The following TXNDC11 variants were observed in gnomAD, a reference collection of about 807,000 sequenced individuals.
The protein encoded by TXNDC11 is thioredoxin domain containing 11.
A neutral mutation model predicts 78.0 loss-of-function variants in TXNDC11; 68 were observed. The ratio of observed to expected loss-of-function variants is 0.87; its 90% CI spans 0.72 to 1.07. TXNDC11 has a LOEUF of 1.07. Ranked by LOEUF, TXNDC11 falls within the 50% of genes least tolerant of loss-of-function variation. The probability of loss-of-function intolerance (pLI) is 0.00; values close to 1 mark genes in which losing one functional copy is unlikely to be tolerated. For synonymous variants in TXNDC11, 571 were observed against 495.2 expected, an observed-to-expected ratio of 1.15 and a Z score of -2.03; for missense variants, 1,389 against 1,221.8, an observed-to-expected ratio of 1.14 and a Z score of -2.04.
Position 11,713,346 on chromosome 16 carries a change from A to G in TXNDC11, c.793+8231T>C, listed in dbSNP as rs578053731. ...AGCATCTCTCACAAAATATACAAGGATTCCTTTGCTAAAATAATGTCAACT... is the reference window on the plus strand; with the variant it reads ...AGCATCTCTCACAAAATATACAAGGGTTCCTTTGCTAAAATAATGTCAACT... On this transcript the variant is annotated intron_variant, in intron 5 of 11. Coordinates refer to ENST00000283033, the MANE Select transcript of TXNDC11 (RefSeq NM_015914.7). Among the ~76,000 whole-genome samples the G allele has an allele frequency of 9.9e-5, 15 of 152,136 alleles. No individual in the cohort carries two copies. The East Asian group carries it at 2.9e-3, about 29-fold the overall frequency.
chr16:11,685,384 G>A (rs1012909704), intron 10 of TXNDC11, among the ~76,000 whole-genome samples: 12 of 151,790 alleles, frequency 7.9e-5, no homozygotes, highest in Admixed American at 3.3e-4. Context: ...GGTGGCTCAC[G>A]TCTGTAATCC....
Position 11,739,048 on chromosome 16 carries a change from T to C in TXNDC11, c.255-2815A>G, listed in dbSNP as rs533058467. Among the ~76,000 whole-genome samples the C allele has an allele frequency of 1.1e-4, 17 of 151,618 alleles. 1 individual carries two copies. Among genetic ancestry groups the C allele is most frequent in the Middle Eastern group, 3.4e-3 (1 of 294 alleles). ...ATCTCAAAAGAAAAAAAAAATGCAA[T>C]GTAAGCATCAAATAATGCAATCTGA... On this transcript the variant is annotated intron_variant, in intron 1 of 11. Coordinates refer to ENST00000283033, the MANE Select transcript of TXNDC11 (RefSeq NM_015914.7).
chr16:11,683,705 C>T (rs1482387655), intron 11 of TXNDC11, among the ~76,000 whole-genome samples: 3 of 151,410 alleles, frequency 2.0e-5, no homozygotes, highest in Non-Finnish European at 4.4e-5. Flanking sequence ...CCATACCACA[C>T]ATAACATCCT....
intron 5 of TXNDC11, among the ~76,000 whole-genome samples, chr16:11,704,160 C>G (rs1337507997): frequency 6.6e-6 from 1 of 152,106 alleles, no homozygotes; most frequent in Non-Finnish European, 1.5e-5. Context: ...ACCCAGGAGC[C>G]AAGCTGAAGC....
chr16:11,698,675 A>T (rs569468016), intron 6 of TXNDC11, among the ~76,000 whole-genome samples: 2 of 152,370 alleles, frequency 1.3e-5, no homozygotes, highest in East Asian at 3.9e-4. Flanking sequence ...GGGTATTCAT[A>T]AAAGGACCAA....
At chr16:11,700,406 G>T in intron 6 of TXNDC11, 46 bp downstream of exon 6, 1 of 941,668 alleles carries the variant, frequency 1.1e-6, no homozygotes. Context: ...CCTAAACAAG[G>T]TTAAGAACCA....
At chr16:11,684,278 A>G in intron 10 of TXNDC11, 33 bp from the exon 11 acceptor site, 1 of 1,548,084 alleles carries the variant, frequency 6.5e-7, no homozygotes, top group South Asian at 1.1e-5. Context: ...ATGGCAGATG[A>G]TCAGCCCAAG....
intron 5 of TXNDC11, among the ~76,000 whole-genome samples, chr16:11,701,948 G>C (rs2051038245): frequency 6.6e-6 from 1 of 151,382 alleles, no homozygotes; most frequent in Non-Finnish European, 1.5e-5. Flanking sequence ...GAAACATTCT[G>C]CAAATGTTAA....
chr16:11,718,094 T>TTA (rs1882269768), intron 5 of TXNDC11, among the ~76,000 whole-genome samples: 1 of 152,196 alleles, frequency 6.6e-6, no homozygotes, highest in Admixed American at 6.5e-5. Context: ...GAACCCGATC[T>TTA]TATAACCCAA....
chr16:11,736,410 C>T (rs774761221), intron 1 of TXNDC11, among the ~76,000 whole-genome samples, 177 bp from the exon 2 acceptor site: 2 of 152,164 alleles, frequency 1.3e-5, no homozygotes, highest in Admixed American at 6.5e-5. Context: ...ATGAATAATA[C>T]GTTGGAAACA....
chr16:11,711,765 A>C (rs776618046), intron 5 of TXNDC11, among the ~76,000 whole-genome samples: 3 of 152,178 alleles, frequency 2.0e-5, no homozygotes, highest in African/African-American at 7.2e-5. Flanking sequence ...CCTGCCTACC[A>C]CACTAACCCT....
intron 5 of TXNDC11, chr16:11,703,763 A>C (rs1311908303): frequency 1.4e-6 from 1 of 700,826 alleles, no homozygotes; most frequent in African/African-American, 1.7e-5. Flanking sequence ...GGGGTGAAGA[A>C]AGTACAAGAT....
At chr16:11,726,958 C>A (rs1263340343) in intron 4 of TXNDC11, among the ~76,000 whole-genome samples, 3 of 152,084 alleles carry the variant, frequency 2.0e-5, no homozygotes, top group Non-Finnish European at 2.9e-5. Flanking sequence ...GAGGCTGAGG[C>A]ACGAGAATCA....
At chr16:11,741,036 T>C (rs1452590252) in intron 1 of TXNDC11, among the ~76,000 whole-genome samples, 2 of 152,048 alleles carry the variant, frequency 1.3e-5, no homozygotes, top group Admixed American at 6.6e-5. Flanking sequence ...CTGCTAGACA[T>C]CCTACAGTAG....
At chr16:11,689,386 G>A (rs2050650756) in intron 8 of TXNDC11, among the ~76,000 whole-genome samples, 1 of 152,210 alleles carries the variant, frequency 6.6e-6, no homozygotes, top group Non-Finnish European at 1.5e-5. Context: ...CAGCATCTGA[G>A]AAACACTTAG....
chr16:11,696,642 C>G (rs2050866806), intron 7 of TXNDC11, among the ~76,000 whole-genome samples: 1 of 152,150 alleles, frequency 6.6e-6, no homozygotes, highest in Non-Finnish European at 1.5e-5. Flanking sequence ...CACCCACATG[C>G]TGAAGTTAAG....
At position 11,687,908 on chromosome 16, in the gene TXNDC11, A is replaced by T; in HGVS notation, c.2102T>A (p.Ile701Asn). ...CAGGTTCCGAGCTAGCTGGATGAAG[A>T]TGTGATTGAGGGATGGACAGAAGCC... ...WCGFCPSLNH[I>N]FIQLARNLPM... is the part of the protein sequence containing the mutation. Residue 701 changes from isoleucine to asparagine, a missense_variant, in exon 10 of 12, where the codon ATC (isoleucine) becomes AAC (asparagine). Transcript: ENST00000283033. 1 of 1,613,938 alleles carries T rather than the reference A, an allele frequency of 6.2e-7. No homozygotes were observed. The highest frequency in any genetic ancestry group is 8.5e-7 in the Non-Finnish European group (1 of 1,179,906).
chr16:11,712,641 C>G (rs2051395958), intron 5 of TXNDC11, among the ~76,000 whole-genome samples: 2 of 151,986 alleles, frequency 1.3e-5, no homozygotes, highest in South Asian at 4.2e-4. Flanking sequence ...GGCCTTAGTT[C>G]TTATTTATAA....
At chr16:11,685,021 GGTAA>G (rs1295306369) in intron 10 of TXNDC11, among the ~76,000 whole-genome samples, 1 of 152,216 alleles carries the variant, frequency 6.6e-6, no homozygotes, top group Non-Finnish European at 1.5e-5. Context: ...GTGAGGGTGC[GGTAA>G]GTGTCATGTA....
Sources: gnomAD v4.1 joint callset for allele counts (sites outside exome capture counted in the v4.1 genomes callset) on GRCh38, gnomAD v4.1.1 for gene constraint, MANE v1.5 for transcripts, NCBI Gene and HGNC (gene_info 2026-07-23, HGNC 2026-07-21) for gene names.